HECW1: variants seen among roughly 807,000 people sequenced by gnomAD.
HECW1 encodes the protein HECT, C2 and WW domain containing E3 ubiquitin protein ligase 1.
HECW1 carries 61 observed loss-of-function variants against 182.3 expected under a neutral mutation model. The observed-to-expected ratio is 0.33, with a 90% confidence interval of 0.27 to 0.41. The LOEUF (loss-of-function observed/expected upper bound fraction) is 0.41. HECW1 is among the 10% of genes least tolerant of loss of function. The pLI, the probability that HECW1 is intolerant of heterozygous loss-of-function variation, is 1.00. For missense variants in HECW1, 1,739 were observed against 2,108.9 expected, an observed-to-expected ratio of 0.82 and a Z score of 3.44; for synonymous variants, 859 against 832.6, an observed-to-expected ratio of 1.03 and a Z score of -0.55.
chr7:43,132,224 A>G (rs1787022863), intron 2 of HECW1, among the ~76,000 whole-genome samples: 1 of 150,160 alleles, frequency 6.7e-6, no homozygotes, highest in African/African-American at 2.5e-5. Context: ...TTAAGTCTAT[A>G]TATTATAGAT....
chr7:43,284,803 A>G (rs998669210), intron 3 of HECW1, among the ~76,000 whole-genome samples: 4 of 152,138 alleles, frequency 2.6e-5, no homozygotes, highest in Non-Finnish European at 4.4e-5. Flanking sequence ...CACAACAAAC[A>G]TGGGAAATCA....
chr7:43,476,990 A>G (rs922779243), intron 16 of HECW1, among the ~76,000 whole-genome samples: 2 of 152,168 alleles, frequency 1.3e-5, no homozygotes, highest in Non-Finnish European at 2.9e-5. Context: ...TTGGATAATA[A>G]ATAAGAAAAC....
chr7:43,562,286 T>C lies in HECW1; in HGVS notation c.*360T>C. On this transcript the variant is annotated 3_prime_UTR_variant, in exon 30 of 30. Transcript: ENST00000395891. ...TAAATGTTTACTTCCATTTCTATCA[T>C]TGAAGGGAAAATGTGAGCATTAAGC... The C allele has an allele frequency of 4.1e-6, 1 of 246,740 alleles. No individual in the cohort carries two copies. The highest frequency in any genetic ancestry group is 7.9e-6 in the Non-Finnish European group (1 of 127,046). The allele number at this position is 246,740 out of a possible 1,614,324, so 15.3% of individuals were successfully genotyped here. A position where few individuals can be genotyped will look rare whatever the true frequency, so the allele number is the denominator to read the frequency against.
intron 6 of HECW1, chr7:43,377,973 T>C (rs2074393353): frequency 5.5e-6 from 1 of 181,574 alleles, no homozygotes; most frequent in Non-Finnish European, 1.2e-5. Context: ...TAATGCTCAG[T>C]TTATGGGTAC....
intron 17 of HECW1, among the ~76,000 whole-genome samples, chr7:43,484,818 C>T (rs914719125): frequency 1.3e-5 from 2 of 152,198 alleles, no homozygotes; most frequent in East Asian, 1.9e-4. Context: ...GGCGGAGGCA[C>T]ATCTGTCTGC....
intron 2 of HECW1, among the ~76,000 whole-genome samples, chr7:43,203,647 AG>A (rs1416524007): frequency 6.6e-6 from 1 of 152,078 alleles, no homozygotes; most frequent in Non-Finnish European, 1.5e-5. Flanking sequence ...TAGTAGAGAC[AG>A]GGTTTCGCCA....
chr7:43,560,349 C>T (rs1184037753), intron 29 of HECW1, among the ~76,000 whole-genome samples: 1 of 152,156 alleles, frequency 6.6e-6, no homozygotes, highest in Non-Finnish European at 1.5e-5. Context: ...TTTAAGAATT[C>T]TGCCAATCTG....
rs562386632 is a variant in HECW1, at chr7:43,138,983, T to TTTTG, written c.-32+24612_-32+24615dup. Among the ~76,000 whole-genome samples, 774 of 152,342 alleles carry TTTTG rather than the reference T, an allele frequency of 5.1e-3. 4 individuals are homozygous for TTTTG. Among genetic ancestry groups the TTTTG allele is most frequent in the Admixed American group, 0.02 (310 of 15,306 alleles). On this transcript the variant is annotated intron_variant, in intron 2 of 29. Coordinates refer to ENST00000395891, the MANE Select transcript of HECW1 (RefSeq NM_015052.5). The stretch of plus-strand genomic sequence containing the variant: ...TGCAGCTGTGCAGACAGACTGGTTT[T>TTTTG]TTTGTTTGTTTGTTTGTTTGTTTTA...
intron 2 of HECW1, among the ~76,000 whole-genome samples, chr7:43,129,872 A>G (rs1415124467): frequency 6.6e-6 from 1 of 152,222 alleles, no homozygotes; most frequent in African/African-American, 2.4e-5. Context: ...TCTCAAGATT[A>G]CTTATAATAC....
rs192706530 is a variant in HECW1 at position 43,534,332 on chromosome 7, G to A, written c.4020-6831G>A. 5.2e-3 allele frequency among the ~76,000 whole-genome samples: 788 copies of A among 152,140 alleles called. 5 individuals are homozygous for A. The highest frequency in any genetic ancestry group is 7.1e-3 in the Non-Finnish European group (484 of 68,008). ...TTTTGTCATTACAAAAACTGCTTTC[G>A]TTTAAATAATCTGTTGAAAAATACA... On this transcript the variant is annotated intron_variant, in intron 24 of 29. Transcript: ENST00000395891.
At position 43,311,749 on chromosome 7, in the gene HECW1, C is replaced by T; in HGVS notation, c.28-14C>T. The T allele has an allele frequency of 6.2e-7, 1 of 1,613,636 alleles. No homozygotes were observed. The highest frequency in any genetic ancestry group is 8.5e-7 in the Non-Finnish European group (1 of 1,179,722). On this transcript the variant is annotated splice_polypyrimidine_tract_variant and intron_variant, in intron 3 of 29. Coordinates refer to ENST00000395891, the MANE Select transcript of HECW1 (RefSeq NM_015052.5). ...CGTGCCCTGACCCTGCTCACTGTCT[C>T]TTTGCTCCCACAGAATCTGTACCAG...
chr7:43,334,509 C>A (rs887279360), intron 5 of HECW1, among the ~76,000 whole-genome samples: 16 of 152,176 alleles, frequency 1.1e-4, no homozygotes, highest in African/African-American at 3.9e-4. Flanking sequence ...ACAAACAACC[C>A]TTATCCGTTG....
chr7:43,247,672 AGAGG>A (rs1231760805), intron 3 of HECW1, among the ~76,000 whole-genome samples: 31 of 106,348 alleles, frequency 2.9e-4, no homozygotes, highest in East Asian at 6.3e-4. Flanking sequence ...AAGGAAGGGG[AGAGG>A]GAGGGAGGGA....
intron 1 of HECW1, among the ~76,000 whole-genome samples, chr7:43,113,163 G>A (rs1433890740): frequency 2.0e-5 from 3 of 152,148 alleles, no homozygotes; most frequent in Non-Finnish European, 4.4e-5. Context: ...CCCGGCTTGG[G>A]TACTGCAGGC....
At chr7:43,426,517 T>G (rs1014300196) in intron 8 of HECW1, among the ~76,000 whole-genome samples, 4 of 152,216 alleles carry the variant, frequency 2.6e-5, no homozygotes, top group African/African-American at 9.6e-5. Flanking sequence ...AAATACTGTT[T>G]TTGATTTGCA....
chr7:43,240,813 G>A (rs1798810339), intron 2 of HECW1, among the ~76,000 whole-genome samples: 1 of 152,134 alleles, frequency 6.6e-6, no homozygotes, highest in African/African-American at 2.4e-5. Flanking sequence ...CGGCAGCCAG[G>A]ACCTATGAAG....
chr7:43,287,585 G>A (rs184445669), intron 3 of HECW1, among the ~76,000 whole-genome samples: 2 of 152,320 alleles, frequency 1.3e-5, no homozygotes, highest in East Asian at 3.9e-4. Context: ...TGATCCTCCT[G>A]CCTCAGCCTC....
At chr7:43,492,296 T>C in intron 18 of HECW1, 116 bp downstream of exon 18, 1 of 708,838 alleles carries the variant, frequency 1.4e-6, no homozygotes, top group Non-Finnish European at 2.4e-6. Flanking sequence ...CATTCTGTCT[T>C]TCCTTTCTCC....
At chr7:43,210,938 T>G (rs1284547981) in intron 2 of HECW1, among the ~76,000 whole-genome samples, 1 of 151,792 alleles carries the variant, frequency 6.6e-6, no homozygotes, top group African/African-American at 2.4e-5. Flanking sequence ...TTTAATAGAG[T>G]GAAAACAGAG....
Sources: gnomAD v4.1 joint callset for allele counts (sites outside exome capture counted in the v4.1 genomes callset) on GRCh38, gnomAD v4.1.1 for gene constraint, MANE v1.5 for transcripts, NCBI Gene and HGNC (gene_info 2026-07-23, HGNC 2026-07-21) for gene names.